Variants in WNK3 observed in about 807,000 individuals in gnomAD.
The protein encoded by WNK3 is serine/threonine-protein kinase WNK3.
In WNK3, 18 loss-of-function variants were observed where a neutral mutation model predicts 116.7. The observed-to-expected ratio is 0.15, with a 90% CI of 0.11 to 0.23. The LOEUF (loss-of-function observed/expected upper bound fraction) is 0.23, where lower values mean the gene tolerates loss of function less well. Among genes scored for constraint, WNK3 ranks in the 10% least tolerant of loss-of-function variants. The pLI is 1.00. For synonymous variants in WNK3, 404 were observed against 469.4 expected (o/e 0.86, Z 1.80); for missense variants, 993 against 1,323.8 (o/e 0.75, Z 3.88).
chrX:54,251,630 C>T (rs370235367), exon 14 of WNK3: 4 of 1,210,857 alleles, frequency 3.3e-6, no homozygotes, highest in African/African-American at 1.7e-5. Flanking sequence ...CCTACAATAG[C>T]TCTCAATTCT....
At chrX:54,318,887 G>A (rs987117256) in intron 2 of WNK3, among the ~76,000 whole-genome samples, 13 of 109,015 alleles carry the variant, frequency 1.2e-4, no homozygotes, top group East Asian at 8.8e-4. Flanking sequence ...AGCGATTCTC[G>A]TGCCTCAGCC....
intron 22 of WNK3, among the ~76,000 whole-genome samples, chrX:54,215,583 G>C (rs2067680675): frequency 8.9e-6 from 1 of 112,055 alleles, no homozygotes; most frequent in African/African-American, 3.2e-5. Flanking sequence ...CCAAAGTGCC[G>C]AGATTGCAGC....
At chrX:54,252,954 T>A (rs1391467543) in intron 13 of WNK3, among the ~76,000 whole-genome samples, 1 of 108,377 alleles carries the variant, frequency 9.2e-6, no homozygotes, top group Non-Finnish European at 1.9e-5. Flanking sequence ...TAAAAAAAAA[T>A]AATAAAATAA....
At chrX:54,237,181 A>G in exon 20 of WNK3, 1 of 1,211,709 alleles carries the variant, frequency 8.3e-7, no homozygotes, top group African/African-American at 1.7e-5. Flanking sequence ...AGCAGTCAAT[A>G]TCTCTCTCTC....
chrX:54,305,230 T>G (rs1279752332), intron 5 of WNK3, among the ~76,000 whole-genome samples: 1 of 111,347 alleles, frequency 9.0e-6, no homozygotes, highest in Non-Finnish European at 1.9e-5. Flanking sequence ...ACTATTTTAC[T>G]ACAGTTTACT....
intron 22 of WNK3, among the ~76,000 whole-genome samples, chrX:54,213,553 C>CAAAAAAAAAAAAAA (rs782580375): frequency 3.4e-3 from 48 of 14,249 alleles, no homozygotes; most frequent in African/African-American, 0.021. Context: ...GACTCCGTCT[C>CAAAAAAAAAAAAAA]AAAAAAAAAA....
chrX:54,258,540 G>T (rs1472810078), intron 11 of WNK3, among the ~76,000 whole-genome samples: 2 of 108,133 alleles, frequency 1.8e-5, no homozygotes, highest in South Asian at 4.2e-4. Flanking sequence ...CACCATGTTT[G>T]CCAGGCAGGT....
intron 2 of WNK3, among the ~76,000 whole-genome samples, chrX:54,323,940 A>G (rs1457908751): frequency 8.9e-6 from 1 of 112,558 alleles, no homozygotes; most frequent in Non-Finnish European, 1.9e-5. Flanking sequence ...AATTACAACA[A>G]ACACAGTGGC....
chrX:54,324,843 G>C (rs1408224382), intron 2 of WNK3, among the ~76,000 whole-genome samples: 3 of 112,639 alleles, frequency 2.7e-5, no homozygotes, highest in Non-Finnish European at 3.7e-5. Context: ...TTCAGAAACA[G>C]AAATTCTAGC....
intron 20 of WNK3, among the ~76,000 whole-genome samples, chrX:54,235,449 G>T (rs1252376953): frequency 9.0e-6 from 1 of 111,311 alleles, no homozygotes; most frequent in Non-Finnish European, 1.9e-5. Context: ...ACCACGTCTG[G>T]CTAATTTTTG....
chrX:54,239,064 T>C (rs2146882514), exon 18 of WNK3: 3 of 1,194,236 alleles, frequency 2.5e-6, no homozygotes, highest in East Asian at 6.0e-5. Flanking sequence ...GATAGGCCTC[T>C]GGATCCCCTG....
chrX:54,247,642 T>C lies in WNK3; in HGVS notation c.3651+1055A>G, dbSNP rs1304713745. Among the ~76,000 whole-genome samples, 5 of 110,478 alleles carry C rather than the reference T, an allele frequency of 4.5e-5. No individual in the cohort carries two copies. The East Asian group carries it at 1.4e-3, about 31-fold the overall frequency. ...GGTTTGGGGATGGGGTGGATTTTAC[T>C]TGTACGTAGTACATATATACTATGT... is the stretch of plus-strand genomic sequence containing the variant. On this transcript the variant is annotated intron_variant, in intron 17 of 23. Coordinates refer to ENST00000354646, the Ensembl canonical transcript of WNK3.
At chrX:54,304,322 T>TCTGGGCAACATGGTGAAACC (rs1401604327) in intron 5 of WNK3, among the ~76,000 whole-genome samples, 73 of 109,652 alleles carry the variant, frequency 6.7e-4, no homozygotes, top group African/African-American at 2.3e-3. Context: ...GTGAGCCCAG[T>TCTGGGCAACATGGTGAAACC]AGTTCAAGAC....
At chrX:54,328,458 C>CAAA (rs1424113176) in intron 2 of WNK3, among the ~76,000 whole-genome samples, 1 of 100,158 alleles carries the variant, frequency 1.0e-5, no homozygotes, top group East Asian at 3.1e-4. Flanking sequence ...CAAAATATTT[C>CAAA]AAAAAAAAAA....
In WNK3 at chrX:54,277,720, A is replaced by G. The variant is rs150372813; in HGVS notation, c.2037+15168T>C. Among the ~76,000 whole-genome samples, 889 of 111,857 alleles carry G rather than the reference A, an allele frequency of 7.9e-3. 11 individuals carry two copies. Among genetic ancestry groups the G allele is most frequent in the African/African-American group, 0.028 (851 of 30,842 alleles). On this transcript the variant is annotated intron_variant, in intron 10 of 23. Transcript: ENST00000354646. ...CCTAGGACAAATAAGTAAGTTCAAC[A>G]AGGTATTTGAATTCAACATCAACAC... is the stretch of plus-strand genomic sequence containing the variant.
intron 8 of WNK3, among the ~76,000 whole-genome samples, chrX:54,293,923 TC>T (rs1456815346): frequency 8.9e-6 from 1 of 112,235 alleles, no homozygotes; most frequent in Non-Finnish European, 1.9e-5. Context: ...ATGCCTACAA[TC>T]CCAACACTTT....
chrX:54,237,822 C>T (rs2067980267), intron 19 of WNK3, among the ~76,000 whole-genome samples: 1 of 111,675 alleles, frequency 9.0e-6, no homozygotes, highest in South Asian at 3.7e-4. Flanking sequence ...TTTCTGTGCT[C>T]TCTACCAGCT....
At chrX:54,211,677 G>A (rs2067615737) in intron 22 of WNK3, among the ~76,000 whole-genome samples, 4 of 109,642 alleles carry the variant, frequency 3.6e-5, no homozygotes, top group African/African-American at 1.0e-4. Flanking sequence ...GGTGGCGGGC[G>A]CCTGTAGCCC....
chrX:54,324,187 T>C (rs2069070737), intron 2 of WNK3, among the ~76,000 whole-genome samples: 1 of 111,911 alleles, frequency 8.9e-6, no homozygotes, highest in Admixed American at 9.6e-5. Context: ...CTATGGCCAT[T>C]CTGCCTCCCT....
Sources: gnomAD v4.1 joint callset for allele counts (sites outside exome capture counted in the v4.1 genomes callset) on GRCh38, gnomAD v4.1.1 for gene constraint, MANE v1.5 for transcripts, NCBI Gene and HGNC (gene_info 2026-07-23, HGNC 2026-07-21) for gene names.